The following TTC29 variants were observed in gnomAD, a reference collection of about 807,000 sequenced individuals.
The protein encoded by TTC29 is tetratricopeptide repeat domain 29.
A neutral mutation model predicts 58.1 loss-of-function variants in TTC29; 49 were observed. The ratio of observed to expected loss-of-function variants is 0.84; its 90% confidence interval spans 0.67 to 1.07. The LOEUF is 1.07. Ranked by LOEUF, TTC29 falls within the 50% of genes least tolerant of loss-of-function variation. TTC29 has a pLI of 0.00. For missense variants in TTC29, 582 were observed against 555.6 expected (o/e 1.05, Z -0.48); for synonymous variants, 209 against 196.8 (o/e 1.06, Z -0.52).
intron 6 of TTC29, among the ~76,000 whole-genome samples, chr4:146,903,264 G>A (rs1174763945): frequency 4.6e-5 from 7 of 152,010 alleles, no homozygotes; most frequent in Admixed American, 4.6e-4. Context: ...GTGTAGAGGG[G>A]TTGGGGAGAA....
intron 4 of TTC29, among the ~76,000 whole-genome samples, chr4:146,932,142 T>A (rs1387673931): frequency 1.3e-5 from 2 of 152,148 alleles, no homozygotes. Context: ...GGCAATTCCT[T>A]CTCTCTTCCC....
chr4:146,813,210 T>A (rs1427214343), intron 10 of TTC29, among the ~76,000 whole-genome samples: 1 of 152,242 alleles, frequency 6.6e-6, no homozygotes, highest in Non-Finnish European at 1.5e-5. Flanking sequence ...GATAAATCAT[T>A]TCCTACCCAT....
intron 8 of TTC29, among the ~76,000 whole-genome samples, chr4:146,857,627 G>C (rs1336656628): frequency 1.3e-5 from 2 of 152,050 alleles, no homozygotes; most frequent in East Asian, 3.9e-4. Context: ...GCCATCCTCT[G>C]GGAGAAGGGG....
chr4:146,852,669 G>T (rs1729588142), intron 8 of TTC29, among the ~76,000 whole-genome samples: 1 of 152,154 alleles, frequency 6.6e-6, no homozygotes, highest in African/African-American at 2.4e-5. Context: ...AATGGCACTG[G>T]TATATGTCTC....
intron 10 of TTC29, among the ~76,000 whole-genome samples, chr4:146,815,134 C>A (rs1751313486): frequency 6.6e-6 from 1 of 152,098 alleles, no homozygotes; most frequent in Non-Finnish European, 1.5e-5. Flanking sequence ...ACTTTGGCCT[C>A]TTTCTGCTTA....
chr4:146,748,408 C>T (rs986678399), intron 11 of TTC29, among the ~76,000 whole-genome samples: 3 of 152,164 alleles, frequency 2.0e-5, no homozygotes, highest in Non-Finnish European at 4.4e-5. Context: ...AGGAACCTGG[C>T]TCCACTGCCA....
At chr4:146,739,657 T>A (rs1744977199) in intron 11 of TTC29, among the ~76,000 whole-genome samples, 1 of 152,048 alleles carries the variant, frequency 6.6e-6, no homozygotes, top group Admixed American at 6.6e-5. Context: ...GAGTGGAGAG[T>A]AATTGGTTCT....
rs1040005915 is a variant in TTC29, at chr4:146,874,884, A to C, written c.631T>G (p.Leu211Val). ...TCCTTCCATATCCGCCCCTGTGTCA[A>C]TTGATGGAATGCTTCATAATGCTCA... ...AAEHYEAFHQ[L>V]TQGRIWKDET... Residue 211 changes from leucine to valine, a missense_variant, in exon 7 of 13, where the codon TTG (leucine) becomes GTG (valine). Coordinates refer to ENST00000325106, the MANE Select transcript of TTC29 (RefSeq NM_031956.4). The C allele has an allele frequency of 1.9e-6, 3 of 1,613,566 alleles. No individual in the cohort carries two copies. The highest frequency in any genetic ancestry group is 2.5e-6 in the Non-Finnish European group (3 of 1,179,700).
intron 8 of TTC29, among the ~76,000 whole-genome samples, chr4:146,862,624 T>A (rs1424036462): frequency 6.6e-6 from 1 of 152,160 alleles, no homozygotes; most frequent in African/African-American, 2.4e-5. Context: ...CTTCTGCAAG[T>A]CTACAGTTCT....
intron 9 of TTC29, among the ~76,000 whole-genome samples, chr4:146,832,642 T>C (rs1362469929): frequency 8.4e-6 from 1 of 118,504 alleles, no homozygotes; most frequent in Non-Finnish European, 1.8e-5. Context: ...CAACTAATTT[T>C]GTGTGTGTGT....
intron 11 of TTC29, among the ~76,000 whole-genome samples, chr4:146,740,396 A>T (rs1300758350): frequency 6.6e-6 from 1 of 152,220 alleles, no homozygotes; most frequent in Non-Finnish European, 1.5e-5. Context: ...GAAAATAGAT[A>T]ACAGGGAATG....
chr4:146,817,486 T>C (rs541506709), intron 10 of TTC29, among the ~76,000 whole-genome samples: 1,778 of 152,212 alleles, frequency 0.012, 28 homozygotes, highest in Non-Finnish European at 0.017. Flanking sequence ...AGAATCAATA[T>C]TGTGAAAATG....
chr4:146,874,799 A>C lies in TTC29; in HGVS notation c.716T>G (p.Leu239Ter). Residue 239 changes from leucine to a stop codon, truncating the protein, a stop_gained, in exon 7 of 13, where the codon TTA (leucine) becomes TGA (stop). Transcript: ENST00000325106. LOFTEE classifies it high-confidence loss of function. Reference sequence around the variant, plus strand: ...ATTTTCTAGCATTTTGTCTGAGAGTAATCTGTAAGTCCTCAGGAGACTCTC... The same window carrying C: ...ATTTTCTAGCATTTTGTCTGAGAGTCATCTGTAAGTCCTCAGGAGACTCTC... ...ACESLLRTYR[L>*]LSDKMLENKE... 6.2e-7 allele frequency: 1 copy of C among 1,612,574 alleles called. No homozygotes were observed. Among genetic ancestry groups the C allele is most frequent in the South Asian group, 1.1e-5 (1 of 90,878 alleles).
chr4:146,738,031 T>A (rs1472979705), intron 11 of TTC29, among the ~76,000 whole-genome samples: 1 of 152,178 alleles, frequency 6.6e-6, no homozygotes, highest in African/African-American at 2.4e-5. Context: ...TACAACTATA[T>A]TGCCTGGTGG....
intron 11 of TTC29, among the ~76,000 whole-genome samples, chr4:146,745,579 G>C (rs2150040805): frequency 6.6e-6 from 1 of 152,274 alleles, no homozygotes; most frequent in South Asian, 2.1e-4. Flanking sequence ...GACTTGTTTA[G>C]CTATATAGCC....
intron 4 of TTC29, among the ~76,000 whole-genome samples, chr4:146,936,092 G>A (rs984612732): frequency 1.3e-5 from 2 of 152,178 alleles, no homozygotes; most frequent in Non-Finnish European, 2.9e-5. Context: ...GCACTGAAGT[G>A]CAGGAAACTT....
chr4:146,741,740 GT>G (rs1745167917), intron 11 of TTC29, among the ~76,000 whole-genome samples: 1 of 152,104 alleles, frequency 6.6e-6, no homozygotes, highest in South Asian at 2.1e-4. Flanking sequence ...AACACTCTAT[GT>G]TTTCTCATGA....
intron 11 of TTC29, among the ~76,000 whole-genome samples, chr4:146,778,492 C>T (rs1748284775): frequency 6.6e-6 from 1 of 152,008 alleles, no homozygotes; most frequent in African/African-American, 2.4e-5. Flanking sequence ...TAGATTCTGT[C>T]AAGGATCGTT....
chr4:146,924,876 T>C lies in TTC29; in HGVS notation c.176+12718A>G, dbSNP rs184272063. ...ATAAATTTCCTTTTAAGCACTGCTT[T>C]AGCTGTATCCCACAAATTTTGACAT... On this transcript the variant is annotated intron_variant, in intron 4 of 12. Transcript: ENST00000325106. Among the ~76,000 whole-genome samples, 291 of 152,132 alleles carry C rather than the reference T, an allele frequency of 1.9e-3. 2 individuals are homozygous for C. The highest frequency in any genetic ancestry group is 6.5e-3 in the African/African-American group (272 of 41,574).
Sources: gnomAD v4.1 joint callset for allele counts (sites outside exome capture counted in the v4.1 genomes callset) on GRCh38, gnomAD v4.1.1 for gene constraint, MANE v1.5 for transcripts, NCBI Gene and HGNC (gene_info 2026-07-23, HGNC 2026-07-21) for gene names.